The following FXYD6 variants were observed in gnomAD, a reference collection of about 807,000 sequenced individuals.
The protein encoded by FXYD6 is FXYD domain-containing ion transport regulator 6.
FXYD6 carries 7 observed loss-of-function variants against 16.7 expected under a neutral mutation model. The ratio of observed to expected loss-of-function variants is 0.42; its 90% CI spans 0.24 to 0.79. The LOEUF (loss-of-function observed/expected upper bound fraction) is 0.79, where lower values mean the gene tolerates loss of function less well. Among genes scored for constraint, FXYD6 ranks in the 30% least tolerant of loss-of-function variants. The pLI is 0.28. For synonymous variants in FXYD6, 49 were observed against 43.0 expected, an observed-to-expected ratio of 1.14 and a Z score of -0.54; for missense variants, 111 against 116.2, an observed-to-expected ratio of 0.95 and a Z score of 0.21.
At chr11:117,855,897 C>A (rs569908319) in intron 1 of FXYD6, among the ~76,000 whole-genome samples, 1 of 152,208 alleles carries the variant, frequency 6.6e-6, no homozygotes, top group Non-Finnish European at 1.5e-5. Flanking sequence ...CCCCTCTAGA[C>A]CATTTGGACC....
chr11:117,859,044 G>A (rs944244608), intron 1 of FXYD6, among the ~76,000 whole-genome samples: 2 of 152,106 alleles, frequency 1.3e-5, no homozygotes, highest in African/African-American at 2.4e-5. Flanking sequence ...CCAAAGTGCT[G>A]GGATTACAGA....
intron 2 of FXYD6, 46 bp downstream of exon 2, chr11:117,842,673 A>C: frequency 6.5e-7 from 1 of 1,543,268 alleles, no homozygotes. Context: ...AGAGGGCTGG[A>C]CAGGGTTGTC....
intron 7 of FXYD6, chr11:117,838,521 G>T: frequency 1.7e-6 from 1 of 577,172 alleles, no homozygotes; most frequent in Non-Finnish European, 3.1e-6. Flanking sequence ...CCCAGTGGTT[G>T]CTCACAGTCC....
rs568927008 is a variant in FXYD6, at chr11:117,873,548, G to A, written c.-6+3044C>T. Among the ~76,000 whole-genome samples the A allele has an allele frequency of 1.1e-4, 16 of 152,330 alleles. No individual in the cohort carries two copies. In the East Asian group the frequency reaches 1.7e-3, roughly 17 times the overall value. On this transcript the variant is annotated intron_variant, in intron 1 of 7. Transcript: ENST00000526014. Reference sequence around the variant, plus strand: ...AGGGGGAGAGCTGGGGCTAGAACCCGGCCTTTCCACAGCAGGCTCCCTGCC... The same window carrying A: ...AGGGGGAGAGCTGGGGCTAGAACCCAGCCTTTCCACAGCAGGCTCCCTGCC...
At chr11:117,863,895 C>T (rs2056960781) in intron 1 of FXYD6, among the ~76,000 whole-genome samples, 1 of 151,932 alleles carries the variant, frequency 6.6e-6, no homozygotes, top group East Asian at 1.9e-4. Context: ...TAGAAATTAA[C>T]CAAGAAGATG....
chr11:117,847,189 C>A (rs2134149389), intron 1 of FXYD6, among the ~76,000 whole-genome samples: 2 of 152,288 alleles, frequency 1.3e-5, no homozygotes, highest in East Asian at 3.9e-4. Context: ...AGCAACTGAT[C>A]TTTACATATT....
intron 1 of FXYD6, among the ~76,000 whole-genome samples, chr11:117,854,059 T>G (rs2056669220): frequency 6.6e-6 from 1 of 152,206 alleles, no homozygotes; most frequent in African/African-American, 2.4e-5. Flanking sequence ...CCTCCCTCTC[T>G]CCTTCTCTTT....
chr11:117,867,913 C>T (rs138992731), intron 1 of FXYD6, among the ~76,000 whole-genome samples: 3 of 152,264 alleles, frequency 2.0e-5, no homozygotes, highest in Non-Finnish European at 2.9e-5. Flanking sequence ...GCTCTAAACC[C>T]GGGCAGTGTA....
rs534780177 is a variant in FXYD6, at chr11:117,870,335, C to G, written c.-6+6257G>C. On this transcript the variant is annotated intron_variant, in intron 1 of 7. Transcript: ENST00000526014. This position sits in a 1 kb window ranked among gnomAD's most constrained non-coding sequence, Gnocchi z 4.2. ...CAGGCTGGGGCCCCAGCAGGCTGCA[C>G]GCCCCAGCAGGGCGTGATGGAGTCA... 7.9e-5 allele frequency among the ~76,000 whole-genome samples: 12 copies of G among 152,250 alleles called. No homozygotes were observed. Among genetic ancestry groups the G allele is most frequent in the Middle Eastern group, 3.5e-3 (1 of 288 alleles).
Position 117,838,041 on chromosome 11 carries a change from T to TCACACACACACACACA in FXYD6, c.*242_*257dup. On this transcript the variant is annotated 3_prime_UTR_variant, in exon 8 of 8. Coordinates refer to ENST00000526014, the MANE Select transcript of FXYD6 (RefSeq NM_022003.4). ...GACCACAGTTAGCAAACACACACAG[T>TCACACACACACACACA]CACACACACACACACACACACACAC... 3.4e-6 allele frequency: 2 copies of TCACACACACACACACA among 590,128 alleles called. No individual in the cohort carries two copies. The highest frequency in any genetic ancestry group is 2.9e-5 in the East Asian group (1 of 34,528). 36.6% of individuals were successfully genotyped at this position (590,128 alleles called of 1,614,324 possible).
chr11:117,866,705 C>CTGAG (rs1471852059), intron 1 of FXYD6, among the ~76,000 whole-genome samples: 7 of 152,214 alleles, frequency 4.6e-5, no homozygotes, highest in African/African-American at 1.7e-4. Context: ...CTCACAGCTG[C>CTGAG]TGAGTGCCCC....
rs563599093 is a variant in FXYD6 at position 117,838,240 on chromosome 11, C to T, written c.*59G>A. The T allele has an allele frequency of 1.3e-5, 9 of 702,564 alleles. No homozygotes were observed. Among genetic ancestry groups the T allele is most frequent in the African/African-American group, 1.7e-5 (1 of 57,348 alleles). 43.5% of individuals were successfully genotyped at this position (702,564 alleles called of 1,614,324 possible). A position where few individuals can be genotyped will look rare whatever the true frequency, so the allele number is the denominator to read the frequency against. On this transcript the variant is annotated 3_prime_UTR_variant, in exon 8 of 8. Coordinates refer to ENST00000526014, the MANE Select transcript of FXYD6 (RefSeq NM_022003.4). ...CGGTTTTCTTAAGCATCGACATTTG[C>T]ATCCAAAGGTTCAAGCAGCCGCCTC... is the stretch of plus-strand genomic sequence containing the variant.
At chr11:117,841,523 C>T (rs2056343468) in intron 4 of FXYD6, 1 of 591,682 alleles carries the variant, frequency 1.7e-6, no homozygotes, top group Non-Finnish European at 3.0e-6. Context: ...CTGCCCCATT[C>T]ATGCCCTATA....
At chr11:117,860,928 C>A (rs948107) in intron 1 of FXYD6, among the ~76,000 whole-genome samples, 72,573 of 152,080 alleles carry the variant, frequency 0.48, 18,050 homozygotes, top group East Asian at 0.73. Context: ...TAAGCTGCCC[C>A]AAATTCCAGA....
At chr11:117,876,081 C>G (rs940509246) in intron 1 of FXYD6, among the ~76,000 whole-genome samples, 7 of 152,156 alleles carry the variant, frequency 4.6e-5, no homozygotes, top group Non-Finnish European at 1.0e-4. Flanking sequence ...GCGCCCCCAT[C>G]CTGTGCCCAC....
intron 1 of FXYD6, among the ~76,000 whole-genome samples, chr11:117,871,441 C>T (rs1344798488): frequency 3.7e-5 from 4 of 108,876 alleles, no homozygotes; most frequent in Admixed American, 1.1e-4. Context: ...CATTGAGAGG[C>T]GGTGCAGTGG....
In FXYD6 at chr11:117,838,002, C is replaced by A. The variant is rs113319656; in HGVS notation, c.*297G>T. On this transcript the variant is annotated 3_prime_UTR_variant, in exon 8 of 8. Coordinates refer to ENST00000526014, the MANE Select transcript of FXYD6 (RefSeq NM_022003.4). ...TAACAAACACAATACCATCCACAAACAAGTAGCCACAAAGACCACAGTTAG... is the reference window on the plus strand; with the variant it reads ...TAACAAACACAATACCATCCACAAAAAAGTAGCCACAAAGACCACAGTTAG... 3 of 599,488 alleles carry A rather than the reference C, an allele frequency of 5.0e-6. No individual in the cohort carries two copies. Among genetic ancestry groups the A allele is most frequent in the South Asian group, 3.9e-5 (2 of 51,676 alleles). The allele number at this position is 599,488 out of a possible 1,614,324, so 37.1% of individuals were successfully genotyped here.
At chr11:117,876,734 G>A (rs1441989641), upstream of FXYD6, 1 of 151,814 alleles carries the variant, frequency 6.6e-6, no homozygotes, top group African/African-American at 2.4e-5. Context: ...CGGGCTGGCT[G>A]GGAGGCGCGT....
chr11:117,858,838 C>T (rs1044744558), intron 1 of FXYD6, among the ~76,000 whole-genome samples: 9 of 149,794 alleles, frequency 6.0e-5, no homozygotes, highest in Admixed American at 5.4e-4. Context: ...TGCAGTGGTG[C>T]GATCTTGGCT....
Sources: gnomAD v4.1 joint callset for allele counts (sites outside exome capture counted in the v4.1 genomes callset) on GRCh38, gnomAD v4.1.1 for gene constraint, Gnocchi (gnomAD v3.1) non-coding constraint, MANE v1.5 for transcripts, NCBI Gene and HGNC (gene_info 2026-07-23, HGNC 2026-07-21) for gene names.